Variants in C2orf74 observed in about 807,000 individuals in gnomAD.
The protein encoded by C2orf74 is uncharacterized protein C2orf74.
In C2orf74, 14 loss-of-function variants were observed where a neutral mutation model predicts 17.9. The observed-to-expected ratio is 0.78, with a 90% confidence interval of 0.52 to 1.22. The LOEUF is 1.22. Among genes scored for constraint, C2orf74 ranks in the 50% most tolerant of loss-of-function variants. The pLI, the probability that C2orf74 is intolerant of heterozygous loss-of-function variation, is 0.00. For synonymous variants in C2orf74, 79 were observed against 72.6 expected, an observed-to-expected ratio of 1.09 and a Z score of -0.44; for missense variants, 217 against 218.4, an observed-to-expected ratio of 0.99 and a Z score of 0.04.
At chr2:61,150,595 C>T (rs1246612748) in intron 1 of C2orf74, among the ~76,000 whole-genome samples, 1 of 152,148 alleles carries the variant, frequency 6.6e-6, no homozygotes, top group Admixed American at 6.6e-5. Flanking sequence ...TCAGATGCAG[C>T]TACAAGAGGA....
At position 61,162,886 on chromosome 2, in the gene C2orf74, C is replaced by T. The variant is rs1481425294; in HGVS notation, c.140C>T (p.Thr47Ile). The T allele has an allele frequency of 5.2e-6, 8 of 1,552,472 alleles. No homozygotes were observed. Among genetic ancestry groups the T allele is most frequent in the Non-Finnish European group, 7.0e-6 (8 of 1,147,148 alleles). The stretch of plus-strand genomic sequence containing the variant: ...AAAGAGACAAAGAAAGTGCCTTGTA[C>T]AGATGCAAACGGAGGTGTAGACTGT... ...KGKETKKVPCTDANGGVDCAA... is the reference protein window; with the variant it reads ...KGKETKKVPCIDANGGVDCAA... Residue 47 changes from threonine to isoleucine, a missense_variant, in exon 3 of 5, where the codon ACA becomes ATA. Thr to Ile is a moderately conservative substitution (Grantham distance 89, BLOSUM62 -1). Coordinates refer to ENST00000432605, the MANE Select transcript of C2orf74 (RefSeq NM_001143959.4).
At chr2:61,157,856 T>A (rs906953817), upstream of C2orf74, 3 of 470,180 alleles carry the variant, frequency 6.4e-6, no homozygotes, top group African/African-American at 6.0e-5. Context: ...CATGTTTTTG[T>A]CACAGGATTT....
At chr2:61,154,638 A>G (rs551411696) in intron 1 of C2orf74, among the ~76,000 whole-genome samples, 2 of 152,166 alleles carry the variant, frequency 1.3e-5, no homozygotes, top group Non-Finnish European at 2.9e-5. Context: ...AAAACATCCT[A>G]AAAAATTGTT....
chr2:61,157,868 A>G (rs569214442), upstream of C2orf74: 148 of 471,168 alleles, frequency 3.1e-4, 1 homozygote, highest in South Asian at 2.3e-3. Context: ...ACAGGATTTC[A>G]ACAGATCACA....
intron 1 of C2orf74, among the ~76,000 whole-genome samples, chr2:61,149,988 G>C (rs970114064): frequency 6.6e-6 from 1 of 152,172 alleles, no homozygotes; most frequent in African/African-American, 2.4e-5. Flanking sequence ...TCTTGTCCCT[G>C]TTTGGAGATG....
Position 61,147,188 on chromosome 2 carries a change from A to G in C2orf74, c.-122+1992A>G, listed in dbSNP as rs1231383073. 9.3e-5 allele frequency among the ~76,000 whole-genome samples: 14 copies of G among 150,486 alleles called. 1 individual carries two copies. Among genetic ancestry groups the G allele is most frequent in the Admixed American group, 8.7e-4 (13 of 15,028 alleles). ...TCAAAAAAAGAGAAAGAAAGAAAAA[A>G]AGGTGAAATTATGGGAGATTTTTCC... On this transcript the variant is annotated intron_variant, in intron 1 of 3. Transcript: ENST00000426997.
chr2:61,159,457 G>A (rs112244332), upstream of C2orf74: 3,578 of 174,774 alleles, frequency 0.02, 42 homozygotes, highest in Non-Finnish European at 0.026. Context: ...CCACCACGCT[G>A]GCTAATTTTT....
rs1275893884 is a variant in C2orf74, at chr2:61,156,724, A to G, written c.-121-6118A>G. On this transcript the variant is annotated intron_variant, in intron 1 of 3. Transcript: ENST00000426997. The stretch of plus-strand genomic sequence containing the variant: ...CATGGTGAGACCTCGTCTCTGCAAA[A>G]AAATACAAAAAGTTAGTGGGCATGG... Among the ~76,000 whole-genome samples the G allele has an allele frequency of 2.0e-5, 3 of 152,226 alleles. No individual in the cohort carries two copies. In the East Asian group the frequency reaches 5.8e-4, roughly 29 times the overall value.
In C2orf74 at chr2:61,162,513, C is replaced by T; in HGVS notation, c.-2C>T. 1.9e-6 allele frequency: 3 copies of T among 1,551,102 alleles called. No individual in the cohort carries two copies. The highest frequency in any genetic ancestry group is 2.6e-6 in the Non-Finnish European group (3 of 1,146,428). On this transcript the variant is annotated 5_prime_UTR_variant, in exon 2 of 5. Transcript: ENST00000432605. ...GAGTGGATGAGTCTTCTAGCTAAAC[C>T]TATGAGCTTTGAAACCACAGCAATC...
chr2:61,146,284 A>C (rs996198454), intron 1 of C2orf74, among the ~76,000 whole-genome samples: 3 of 152,216 alleles, frequency 2.0e-5, no homozygotes, highest in Non-Finnish European at 2.9e-5. Flanking sequence ...CCAGGTGCCA[A>C]ACAGTGTATA....
chr2:61,151,231 G>T (rs891226545), intron 1 of C2orf74, among the ~76,000 whole-genome samples: 3 of 149,270 alleles, frequency 2.0e-5, no homozygotes, highest in Non-Finnish European at 4.4e-5. Flanking sequence ...CAGGAGAATC[G>T]CTTGAACCCG....
chr2:61,162,744 G>T (rs1332890373), intron 2 of C2orf74, 98 bp from the exon 3 acceptor site: 2 of 1,120,112 alleles, frequency 1.8e-6, no homozygotes, highest in Non-Finnish European at 1.3e-6. Flanking sequence ...CAGCATTTTA[G>T]AAATGCTGAT....
At chr2:61,158,970 G>C (rs1685479108), upstream of C2orf74, among the ~76,000 whole-genome samples, 1 of 138,804 alleles carries the variant, frequency 7.2e-6, no homozygotes, top group Admixed American at 7.6e-5. Context: ...CAAGAACCAA[G>C]TTTTTTTTTG....
At chr2:61,157,958 TCACCACGAGTGGACACCCTCTGGC>T, upstream of C2orf74, 1 of 471,248 alleles carries the variant, frequency 2.1e-6, no homozygotes, top group South Asian at 1.5e-5. Flanking sequence ...GCAGATCCTG[TCACCACGAGTGGACACCCTCTGGC>T]CACCATAGCA....
rs201219999 is a variant in C2orf74 at position 61,162,473 on chromosome 2, AGT to A, written c.-41_-40del. The A allele has an allele frequency of 7.1e-4, 969 of 1,373,636 alleles. 7 individuals are homozygous for A. The Middle Eastern group carries it at 0.01, about 14-fold the overall frequency. 85.1% of individuals were successfully genotyped at this position (1,373,636 alleles called of 1,614,324 possible). On this transcript the variant is annotated 5_prime_UTR_variant, in exon 2 of 5. Coordinates refer to ENST00000432605, the MANE Select transcript of C2orf74 (RefSeq NM_001143959.4). ...TTGAGCTGGAAAAGAATATTTGGAC[AGT>A]CTGTGATTGTGAGAGTGGATGAGTC...
intron 1 of C2orf74, among the ~76,000 whole-genome samples, chr2:61,153,956 T>C (rs1685318288): frequency 6.8e-6 from 1 of 146,428 alleles, no homozygotes; most frequent in Non-Finnish European, 1.5e-5. Context: ...ATTTAGTATT[T>C]GGCTAGGCGC....
At chr2:61,158,514 C>G (rs1026116722), upstream of C2orf74, among the ~76,000 whole-genome samples, 6 of 152,202 alleles carry the variant, frequency 3.9e-5, no homozygotes, top group African/African-American at 1.4e-4. Flanking sequence ...GGGGTTCTGT[C>G]TAGGTCTTGC....
intron 1 of C2orf74, among the ~76,000 whole-genome samples, chr2:61,149,007 C>G (rs1296549216): frequency 6.6e-6 from 1 of 152,198 alleles, no homozygotes; most frequent in Non-Finnish European, 1.5e-5. Context: ...TAAAACTACT[C>G]TAGAGAAATA....
upstream of C2orf74, among the ~76,000 whole-genome samples, chr2:61,158,522 T>A (rs1685465452): frequency 1.3e-5 from 2 of 152,222 alleles, no homozygotes; most frequent in African/African-American, 4.8e-5. Flanking sequence ...GTCTAGGTCT[T>A]GCTGCTGGCT....
Sources: allele counts gnomAD v4.1 joint callset (sites outside exome capture counted in the v4.1 genomes callset), GRCh38; gene constraint gnomAD v4.1.1; transcripts MANE v1.5; gene names NCBI Gene and HGNC (gene_info 2026-07-23, HGNC 2026-07-21).